Variants in CHRNB1 observed in about 807,000 individuals in gnomAD.
CHRNB1 encodes the protein acetylcholine receptor subunit beta.
CHRNB1 carries 47 observed loss-of-function variants against 53.8 expected under a neutral mutation model. The observed-to-expected ratio is 0.87, with a 90% CI of 0.69 to 1.11. The LOEUF (loss-of-function observed/expected upper bound fraction) is 1.11, where lower values mean the gene tolerates loss of function less well. CHRNB1 is among the 50% of genes most tolerant of loss of function. The pLI is 0.00. For synonymous variants in CHRNB1, 259 were observed against 263.5 expected (o/e 0.98, Z 0.16); for missense variants, 605 against 654.9 (o/e 0.92, Z 0.83).
chr17:7,455,824 G>C lies in CHRNB1; in HGVS notation c.1248G>C (p.Leu416=). The change falls in exon 10 of 11, where the codon CTG becomes CTC. Residue 416 remains leucine, a synonymous_variant. Coordinates refer to ENST00000306071, the MANE Select transcript of CHRNB1 (RefSeq NM_000747.3). ...RFQPELSAPD[L]RRFIDGPNRA... ...AGCCTGAACTGTCTGCCCCTGATCT[G>C]CGGCGATTTATCGATGGTCCAAACC... 1 of 1,614,132 alleles carries C rather than the reference G, an allele frequency of 6.2e-7. No individual in the cohort carries two copies. Among genetic ancestry groups the C allele is most frequent in the Non-Finnish European group, 8.5e-7 (1 of 1,180,034 alleles).
chr17:7,447,862 G>T (rs1038147652), intron 6 of CHRNB1, among the ~76,000 whole-genome samples: 1 of 152,074 alleles, frequency 6.6e-6, no homozygotes, highest in Non-Finnish European at 1.5e-5. Flanking sequence ...CGGATCATTT[G>T]AGGTCTGGAG....
chr17:7,446,293 A>T, intron 3 of CHRNB1, 180 bp downstream of exon 3: 4 of 597,398 alleles, frequency 6.7e-6, no homozygotes, highest in Non-Finnish European at 1.2e-5. Context: ...ATGCATTTTT[A>T]ATTCCAATTT....
intron 7 of CHRNB1, among the ~76,000 whole-genome samples, chr17:7,453,760 T>A (rs1908971189): frequency 6.6e-6 from 1 of 151,958 alleles, no homozygotes; most frequent in Admixed American, 6.6e-5. Context: ...GCTAATTTTT[T>A]TTTTTTTCTT....
At position 7,447,053 on chromosome 17, in the gene CHRNB1, A is replaced by C. The variant is rs776217572; in HGVS notation, c.364A>C (p.Asn122His). 10 of 1,614,128 alleles carry C rather than the reference A, an allele frequency of 6.2e-6. No homozygotes were observed. In the African/African-American group the frequency reaches 1.3e-4, roughly 22 times the overall value. ...ATCCCTTCTCTGCAGCAATGATGGGAATTTTGACGTGGCTCTGGACATTAG... is the reference window on the plus strand; with the variant it reads ...ATCCCTTCTCTGCAGCAATGATGGGCATTTTGACGTGGCTCTGGACATTAG... ...DVVLLNNNDGNFDVALDISVV... is the reference protein window; with the variant it reads ...DVVLLNNNDGHFDVALDISVV... Residue 122 changes from asparagine (N) to histidine (H), a missense_variant, in exon 5 of 11, where the codon AAT becomes CAT. Coordinates refer to ENST00000306071, the MANE Select transcript of CHRNB1 (RefSeq NM_000747.3).
chr17:7,453,817 T>C lies in CHRNB1; in HGVS notation c.821-480T>C, dbSNP rs556505369. ...GGCTCACGCCTGTAATCCCAACAGT[T>C]TGGGAGGCCAAGGTGGGTGGATCAC... On this transcript the variant is annotated intron_variant, in intron 7 of 10. Transcript: ENST00000306071. Among the ~76,000 whole-genome samples, 394 of 152,034 alleles carry C rather than the reference T, an allele frequency of 2.6e-3. 3 individuals carry two copies. Among genetic ancestry groups the C allele is most frequent in the African/African-American group, 9.1e-3 (379 of 41,486 alleles).
intron 8 of CHRNB1, 48 bp from the exon 9 acceptor site, chr17:7,455,236 G>T (rs2069936700): frequency 4.3e-6 from 7 of 1,611,480 alleles, no homozygotes; most frequent in Non-Finnish European, 5.9e-6. Context: ...TTCCCTTCTG[G>T]TCTGAAAGCA....
chr17:7,449,688 G>T (rs992256762), intron 7 of CHRNB1, among the ~76,000 whole-genome samples: 1 of 151,822 alleles, frequency 6.6e-6, no homozygotes, highest in African/African-American at 2.4e-5. Context: ...GGGCTTATAG[G>T]CATGAGCCAC....
chr17:7,447,745 G>C, intron 6 of CHRNB1, 95 bp downstream of exon 6: 1 of 1,485,322 alleles, frequency 6.7e-7, no homozygotes, highest in Non-Finnish European at 9.4e-7. Context: ...ATATAGCCCT[G>C]TGGGGTCAGC....
chr17:7,451,707 T>C (rs1273456660), intron 7 of CHRNB1, among the ~76,000 whole-genome samples: 1 of 152,128 alleles, frequency 6.6e-6, no homozygotes, highest in African/African-American at 2.4e-5. Flanking sequence ...TGGTGTGCCC[T>C]TATCTCCAGG....
chr17:7,454,239 C>A, intron 7 of CHRNB1, 58 bp from the exon 8 acceptor site: 2 of 1,365,772 alleles, frequency 1.5e-6, no homozygotes, highest in Non-Finnish European at 2.1e-6. Flanking sequence ...ACTGATTATG[C>A]CATAGAGCTT....
At position 7,456,913 on chromosome 17, in the gene CHRNB1, A is replaced by G. The variant is rs2069958488; in HGVS notation, c.*190A>G. 1 of 664,506 alleles carries G rather than the reference A, an allele frequency of 1.5e-6. No homozygotes were observed. Among genetic ancestry groups the G allele is most frequent in the Admixed American group, 2.8e-5 (1 of 35,950 alleles). 41.2% of individuals were successfully genotyped at this position (664,506 alleles called of 1,614,324 possible). On this transcript the variant is annotated 3_prime_UTR_variant, in exon 11 of 11. Coordinates refer to ENST00000306071, the MANE Select transcript of CHRNB1 (RefSeq NM_000747.3). The stretch of plus-strand genomic sequence containing the variant: ...TTGGACCCACCTGAAATGCAGTATC[A>G]TCTGATTTACTCTTTGGGATCTTGA...
chr17:7,447,654 A>G lies in CHRNB1; in HGVS notation c.610+4A>G. ...ATTCATGAAGGGACTTTCATTGGTG[A>G]GTAGGCATGGCTCCTACATCCATGG... On this transcript the variant is annotated splice_donor_region_variant and intron_variant, in intron 6 of 10. Coordinates refer to ENST00000306071, the MANE Select transcript of CHRNB1 (RefSeq NM_000747.3). 6.2e-7 allele frequency: 1 copy of G among 1,614,210 alleles called. No homozygotes were observed.
intron 7 of CHRNB1, among the ~76,000 whole-genome samples, chr17:7,452,200 C>T (rs1357371943): frequency 6.6e-6 from 1 of 151,938 alleles, no homozygotes; most frequent in East Asian, 1.9e-4. Flanking sequence ...GGATTCCAGT[C>T]ACACACCACG....
In CHRNB1 at chr17:7,456,611, T is replaced by C. The variant is rs201776800; in HGVS notation, c.1394T>C (p.Met465Thr). Residue 465 changes from methionine to threonine, a missense_variant, in exon 11 of 11, where the codon ATG (methionine) becomes ACG (threonine). Transcript: ENST00000306071. ...ALKEDWQFVA[M>T]VVDRLFLWTF... ...AAGGAGGACTGGCAGTTTGTGGCCA[T>C]GGTAGTGGACCGCCTCTTCCTGTGG... 1,238 of 1,614,134 alleles carry C rather than the reference T, an allele frequency of 7.7e-4. 38 individuals are homozygous for C. In the East Asian group the frequency reaches 0.027, roughly 35 times the overall value.
At chr17:7,449,988 G>A (rs1457245274) in intron 7 of CHRNB1, among the ~76,000 whole-genome samples, 1 of 151,134 alleles carries the variant, frequency 6.6e-6, no homozygotes, top group African/African-American at 2.4e-5. Context: ...AGCTTGCAGT[G>A]AGCCGACATT....
At chr17:7,447,317 ACTTT>A (rs1182944202) in intron 5 of CHRNB1, 166 bp downstream of exon 5, 3 of 900,114 alleles carry the variant, frequency 3.3e-6, no homozygotes, top group Admixed American at 2.0e-5. Context: ...TGTTCTGTAC[ACTTT>A]CTTTGACTTC....
At chr17:7,446,723 A>C (rs113124832) in intron 3 of CHRNB1, 110 bp from the exon 4 acceptor site, 1 of 815,130 alleles carries the variant, frequency 1.2e-6, no homozygotes, top group African/African-American at 1.7e-5. Flanking sequence ...CCCACAGTTT[A>C]TGCCTGTCCT....
In CHRNB1 at chr17:7,448,663, G is replaced by T. The variant is rs202080837; in HGVS notation, c.695G>T (p.Arg232Leu). 55 of 1,614,014 alleles carry T rather than the reference G, an allele frequency of 3.4e-5. 1 individual carries two copies. Among genetic ancestry groups the T allele is most frequent in the Non-Finnish European group, 4.4e-5 (52 of 1,180,022 alleles). ...CCTAGGGGAGGGAGGGAAGGACAGC[G>T]CCAGGAAGTCATCTTCTACCTCATC... Reference protein sequence around the residue: ...GDPRGGREGQRQEVIFYLIIR... With the variant: ...GDPRGGREGQLQEVIFYLIIR... The change falls in exon 7 of 11, where the codon CGC (arginine) becomes CTC (leucine). Residue 232 changes from arginine (R) to leucine (L), a missense_variant. Physicochemically the swap from Arg to Leu is moderately radical, Grantham distance 102 (BLOSUM62 -2). Transcript: ENST00000306071.
At position 7,454,377 on chromosome 17, in the gene CHRNB1, A is replaced by G. The variant is rs140169734; in HGVS notation, c.901A>G (p.Thr301Ala). ...LLLLADKVPE[T>A]SLSVPIIIKY... is the part of the protein sequence containing the mutation. Reference sequence around the variant, plus strand: ...GCTGCTGGCTGACAAAGTACCTGAGACCTCACTATCAGTACCCATTATTAT... The same window carrying G: ...GCTGCTGGCTGACAAAGTACCTGAGGCCTCACTATCAGTACCCATTATTAT... The change falls in exon 8 of 11, where the codon ACC becomes GCC. Residue 301 changes from threonine (T) to alanine (A), a missense_variant. By Grantham distance (58) the Thr-to-Ala change is moderately conservative. Coordinates refer to ENST00000306071, the MANE Select transcript of CHRNB1 (RefSeq NM_000747.3). 4.3e-6 allele frequency: 7 copies of G among 1,613,898 alleles called. No individual in the cohort carries two copies. The Admixed American group carries it at 1.2e-4, about 27-fold the overall frequency.
Sources: gnomAD v4.1 joint callset for allele counts (sites outside exome capture counted in the v4.1 genomes callset) on GRCh38, gnomAD v4.1.1 for gene constraint, MANE v1.5 for transcripts, NCBI Gene and HGNC (gene_info 2026-07-23, HGNC 2026-07-21) for gene names.